Variants in COG5 observed in about 807,000 individuals in gnomAD.
The protein encoded by COG5 is conserved oligomeric Golgi complex subunit 5.
Under a neutral mutation model 110.4 loss-of-function variants are expected in COG5, and 86 were observed. The ratio of observed to expected loss-of-function variants is 0.78; its 90% CI spans 0.65 to 0.93. The LOEUF is 0.93. Among genes scored for constraint, COG5 ranks in the 40% least tolerant of loss-of-function variants. COG5 has a pLI of 0.00. For missense variants in COG5, 1,077 were observed against 987.0 expected (o/e 1.09, Z -1.22); for synonymous variants, 360 against 334.6 (o/e 1.08, Z -0.83).
At chr7:107,350,538 A>G (rs1291878436) in intron 10 of COG5, among the ~76,000 whole-genome samples, 1 of 152,208 alleles carries the variant, frequency 6.6e-6, no homozygotes, top group African/African-American at 2.4e-5. Context: ...TTGAGAGTCT[A>G]AAAGCCATTT....
At chr7:107,375,352 A>C (rs1482620028) in intron 7 of COG5, among the ~76,000 whole-genome samples, 1 of 152,036 alleles carries the variant, frequency 6.6e-6, no homozygotes, top group African/African-American at 2.4e-5. Context: ...CTATTAGTGA[A>C]CATATATACA....
intron 16 of COG5, among the ~76,000 whole-genome samples, chr7:107,248,782 C>T (rs1027119689): frequency 5.3e-5 from 8 of 152,144 alleles, no homozygotes; most frequent in African/African-American, 1.7e-4. Flanking sequence ...GGAAGGCATA[C>T]GCAAGAAGAC....
intron 19 of COG5, among the ~76,000 whole-genome samples, 200 bp downstream of exon 19, chr7:107,230,415 C>T (rs932829818): frequency 1.3e-5 from 2 of 152,106 alleles, no homozygotes; most frequent in Non-Finnish European, 2.9e-5. Flanking sequence ...AGAAAATACA[C>T]ATACCCTCTA....
intron 10 of COG5, among the ~76,000 whole-genome samples, chr7:107,359,746 T>C (rs996257217): frequency 3.3e-5 from 5 of 152,190 alleles, no homozygotes; most frequent in Non-Finnish European, 7.3e-5. Flanking sequence ...TCCTCTGTAC[T>C]GAGGGCTGCA....
At chr7:107,408,968 A>C (rs796643781) in intron 7 of COG5, among the ~76,000 whole-genome samples, 2 of 152,234 alleles carry the variant, frequency 1.3e-5, no homozygotes, top group African/African-American at 4.8e-5. Context: ...AAAACTTGCT[A>C]AAGTAAGTTC....
At chr7:107,305,471 T>G (rs1256629545) in intron 11 of COG5, among the ~76,000 whole-genome samples, 1 of 152,210 alleles carries the variant, frequency 6.6e-6, no homozygotes, top group Admixed American at 6.5e-5. Flanking sequence ...AATGTACTAG[T>G]TATCTATTGT....
At chr7:107,253,120 G>A (rs1207150078) in intron 16 of COG5, 1 of 152,120 alleles carries the variant, frequency 6.6e-6, no homozygotes, top group Non-Finnish European at 1.5e-5. Flanking sequence ...ATAAAGATCA[G>A]AAAGTAAGAA....
intron 6 of COG5, among the ~76,000 whole-genome samples, chr7:107,492,118 G>A (rs1170806844): frequency 6.6e-6 from 1 of 151,146 alleles, no homozygotes; most frequent in African/African-American, 2.4e-5. Flanking sequence ...GCACTTTTCT[G>A]TCAGAAGAGC....
intron 14 of COG5, among the ~76,000 whole-genome samples, chr7:107,273,410 A>G (rs1394647624): frequency 6.6e-6 from 1 of 152,196 alleles, no homozygotes; most frequent in African/African-American, 2.4e-5. Flanking sequence ...CCAGAAATAT[A>G]ATTTCAAATA....
chr7:107,367,385 C>G (rs1384058954), intron 8 of COG5, among the ~76,000 whole-genome samples: 1 of 151,958 alleles, frequency 6.6e-6, no homozygotes, highest in East Asian at 1.9e-4. Context: ...TTCTCAAAGA[C>G]CTAAAGTACA....
intron 6 of COG5, among the ~76,000 whole-genome samples, chr7:107,418,807 T>C (rs1009957212): frequency 1.3e-5 from 2 of 151,742 alleles, no homozygotes; most frequent in African/African-American, 4.8e-5. Flanking sequence ...AGAGTCTTGC[T>C]CTGTCACCCC....
At chr7:107,328,843 C>T (rs965294541) in intron 10 of COG5, among the ~76,000 whole-genome samples, 5 of 152,028 alleles carry the variant, frequency 3.3e-5, no homozygotes, top group African/African-American at 9.7e-5. Context: ...TATTTTAAGA[C>T]GGAGTCTCGC....
chr7:107,507,292 CTTTTCT>C (rs998269054), intron 6 of COG5, among the ~76,000 whole-genome samples: 12 of 143,004 alleles, frequency 8.4e-5, no homozygotes, highest in South Asian at 4.4e-4. Flanking sequence ...ACTTCCTTTT[CTTTTCT>C]TTTTTTTTTT....
At chr7:107,320,808 G>A (rs915295711) in intron 11 of COG5, among the ~76,000 whole-genome samples, 1 of 152,146 alleles carries the variant, frequency 6.6e-6, no homozygotes, top group African/African-American at 2.4e-5. Flanking sequence ...GAAAGGAGAT[G>A]ATAATGCTTA....
intron 17 of COG5, among the ~76,000 whole-genome samples, chr7:107,241,682 G>C (rs1801646183): frequency 6.6e-6 from 1 of 152,040 alleles, no homozygotes; most frequent in South Asian, 2.1e-4. Flanking sequence ...TCGATCTCCT[G>C]ACCTCGTGAT....
intron 14 of COG5, among the ~76,000 whole-genome samples, chr7:107,274,976 G>C (rs1352939734): frequency 2.0e-5 from 3 of 151,986 alleles, no homozygotes; most frequent in Non-Finnish European, 4.4e-5. Context: ...TGTTTTTGTA[G>C]ACACAGGGTC....
At chr7:107,542,277 T>C (rs1362098195) in intron 5 of COG5, among the ~76,000 whole-genome samples, 2 of 151,778 alleles carry the variant, frequency 1.3e-5, no homozygotes, top group Non-Finnish European at 2.9e-5. Context: ...TTACAAGAGG[T>C]TCAATCTCCT....
chr7:107,222,233 T>A (rs1191206091), intron 19 of COG5, among the ~76,000 whole-genome samples: 2 of 151,472 alleles, frequency 1.3e-5, no homozygotes, highest in Non-Finnish European at 2.9e-5. Flanking sequence ...GGAGTCTCGC[T>A]CTGTCGCCCA....
intron 11 of COG5, among the ~76,000 whole-genome samples, chr7:107,299,264 T>C (rs933549170): frequency 1.5e-4 from 23 of 152,036 alleles, no homozygotes; most frequent in African/African-American, 5.5e-4. Context: ...ATAAGTAAAA[T>C]TGCCAAACTT....
Sources: allele counts gnomAD v4.1 joint callset (sites outside exome capture counted in the v4.1 genomes callset), GRCh38; gene constraint gnomAD v4.1.1; transcripts MANE v1.5; gene names NCBI Gene and HGNC (gene_info 2026-07-23, HGNC 2026-07-21).